Variants in THNSL1 observed in about 807,000 individuals in gnomAD.
THNSL1 encodes threonine synthase-like 1.
THNSL1 carries 48 observed loss-of-function variants against 50.4 expected under a neutral mutation model. The observed-to-expected ratio is 0.95, with a 90% CI of 0.76 to 1.21. THNSL1 has a LOEUF of 1.21. Among genes scored for constraint, THNSL1 ranks in the 50% most tolerant of loss-of-function variants. The pLI is 0.00. For missense variants in THNSL1, 896 were observed against 871.7 expected, an observed-to-expected ratio of 1.03 and a Z score of -0.35; for synonymous variants, 309 against 306.1, an observed-to-expected ratio of 1.01 and a Z score of -0.10.
chr10:25,024,359 C>A lies in THNSL1; in HGVS notation c.1136C>A (p.Ser379Ter). ...SCNYMILVAT[S>*]GDTGSAVLNG... The stretch of plus-strand genomic sequence containing the variant: ...AATTATATGATACTTGTAGCTACTT[C>A]AGGAGACACAGGGAGTGCAGTCTTA... The change falls in exon 3 of 3, where the codon TCA (serine) becomes TAA (stop). Residue 379 changes from serine (S) to a stop codon, truncating the protein, a stop_gained. Coordinates refer to ENST00000376356, the MANE Select transcript of THNSL1 (RefSeq NM_024838.5). LOFTEE classifies it high-confidence loss of function. The A allele has an allele frequency of 6.2e-7, 1 of 1,614,008 alleles. No homozygotes were observed. The highest frequency in any genetic ancestry group is 1.3e-5 in the African/African-American group (1 of 75,046).
the THNSL1 span, among the ~76,000 whole-genome samples, chr10:24,974,956 T>C: frequency 6.6e-6 from 1 of 152,194 alleles, no homozygotes; most frequent in Admixed American, 6.5e-5. Flanking sequence ...CATCTATACC[T>C]ATAAAGCATT....
In THNSL1 at chr10:25,024,367, A is replaced by C. The variant is rs771976097; in HGVS notation, c.1144A>C (p.Thr382Pro). The change falls in exon 3 of 3, where the codon ACA becomes CCA. Residue 382 changes from threonine (T) to proline (P), a missense_variant. By Grantham distance (38) the Thr-to-Pro change is conservative. Transcript: ENST00000376356. Reference protein sequence around the residue: ...YMILVATSGDTGSAVLNGFSR... With the variant: ...YMILVATSGDPGSAVLNGFSR... ...GATACTTGTAGCTACTTCAGGAGAC[A>C]CAGGGAGTGCAGTCTTAAATGGTTT... 6.2e-7 allele frequency: 1 copy of C among 1,614,064 alleles called. No individual in the cohort carries two copies. The highest frequency in any genetic ancestry group is 1.3e-5 in the African/African-American group (1 of 75,078).
At chr10:24,971,949 G>C in the THNSL1 span, among the ~76,000 whole-genome samples, 1 of 152,164 alleles carries the variant, frequency 6.6e-6, no homozygotes, top group African/African-American at 2.4e-5. Context: ...TCAGTACTTT[G>C]GGAGGCCTAG....
the THNSL1 span, among the ~76,000 whole-genome samples, chr10:25,000,107 C>T: frequency 6.6e-6 from 1 of 152,012 alleles, no homozygotes; most frequent in Non-Finnish European, 1.5e-5. Context: ...TTTGTTTAGA[C>T]ATGCTTAGTT....
At chr10:25,022,630 G>T (rs1330774504) in intron 2 of THNSL1, among the ~76,000 whole-genome samples, 1 of 152,112 alleles carries the variant, frequency 6.6e-6, no homozygotes, top group Non-Finnish European at 1.5e-5. Context: ...TTTTATTCTG[G>T]TTTCCTGTTA....
chr10:24,958,570 C>T, the THNSL1 span, among the ~76,000 whole-genome samples: 333 of 152,294 alleles, frequency 2.2e-3, 4 homozygotes, highest in African/African-American at 7.7e-3. Flanking sequence ...CATAGTAACC[C>T]GTCTTTCCCG....
chr10:24,995,256 A>G, the THNSL1 span, among the ~76,000 whole-genome samples: 2 of 152,178 alleles, frequency 1.3e-5, no homozygotes, highest in African/African-American at 4.8e-5. Flanking sequence ...TTCAGCTGCC[A>G]AGTTACTGCA....
At chr10:25,005,909 C>A in the THNSL1 span, among the ~76,000 whole-genome samples, 1 of 152,202 alleles carries the variant, frequency 6.6e-6, no homozygotes, top group Admixed American at 6.5e-5. Flanking sequence ...TATTCATCTA[C>A]ATCTGTGCTG....
chr10:25,021,030 G>C (rs750069925), intron 1 of THNSL1, among the ~76,000 whole-genome samples: 47 of 152,132 alleles, frequency 3.1e-4, no homozygotes, highest in Non-Finnish European at 5.7e-4. Context: ...TCAGGGAAAG[G>C]ATTAGACTGT....
At chr10:24,954,942 T>A in the THNSL1 span, among the ~76,000 whole-genome samples, 1 of 152,224 alleles carries the variant, frequency 6.6e-6, no homozygotes, top group South Asian at 2.1e-4. Context: ...TTTTTAAACC[T>A]CAAATTTCTG....
the THNSL1 span, among the ~76,000 whole-genome samples, chr10:24,971,569 C>T: frequency 6.6e-6 from 1 of 152,142 alleles, no homozygotes; most frequent in Non-Finnish European, 1.5e-5. Context: ...GTAGTGGATA[C>T]ATAGAGTTCT....
the THNSL1 span, among the ~76,000 whole-genome samples, chr10:24,993,777 G>A: frequency 6.6e-6 from 1 of 152,162 alleles, no homozygotes; most frequent in African/African-American, 2.4e-5. Context: ...TTCCATGATG[G>A]ATACTCCAAA....
At chr10:24,968,784 A>T in the THNSL1 span, among the ~76,000 whole-genome samples, 1 of 152,250 alleles carries the variant, frequency 6.6e-6, no homozygotes, top group South Asian at 2.1e-4. Flanking sequence ...TATGTTACTC[A>T]AGGCTCTGTT....
the THNSL1 span, among the ~76,000 whole-genome samples, chr10:24,991,535 T>G: frequency 6.6e-6 from 1 of 152,010 alleles, no homozygotes; most frequent in Admixed American, 6.6e-5. Flanking sequence ...GGCACCAGCA[T>G]GCCGGCAGGC....
At chr10:24,979,991 A>G in the THNSL1 span, among the ~76,000 whole-genome samples, 2 of 152,090 alleles carry the variant, frequency 1.3e-5, no homozygotes, top group African/African-American at 4.8e-5. Context: ...CCTCTTAAAT[A>G]TTTCTTGAAG....
chr10:24,980,131 A>G, the THNSL1 span, among the ~76,000 whole-genome samples: 1 of 152,174 alleles, frequency 6.6e-6, no homozygotes, highest in African/African-American at 2.4e-5. Flanking sequence ...GCGAATGATA[A>G]TTTACAAATA....
At chr10:25,014,304 C>T (rs1029364981), upstream of THNSL1, among the ~76,000 whole-genome samples, 3 of 152,122 alleles carry the variant, frequency 2.0e-5, no homozygotes, top group African/African-American at 7.2e-5. Context: ...TGACTTTAAC[C>T]TAACAGAAAT....
At chr10:24,992,970 A>C in the THNSL1 span, among the ~76,000 whole-genome samples, 1 of 152,186 alleles carries the variant, frequency 6.6e-6, no homozygotes. Flanking sequence ...GATCACAGAA[A>C]GATTAAATTA....
At chr10:25,006,709 T>A in the THNSL1 span, among the ~76,000 whole-genome samples, 20 of 152,168 alleles carry the variant, frequency 1.3e-4, 1 homozygote, top group Admixed American at 1.2e-3. Flanking sequence ...TATAATAAAT[T>A]ATCAAAAACT....
Sources: gnomAD v4.1 joint callset for allele counts (sites outside exome capture counted in the v4.1 genomes callset) on GRCh38, gnomAD v4.1.1 for gene constraint, MANE v1.5 for transcripts, NCBI Gene and HGNC (gene_info 2026-07-23, HGNC 2026-07-21) for gene names.